Variants in PCDH11X observed in about 807,000 individuals in gnomAD.
PCDH11X encodes protocadherin-11 X-linked.
In PCDH11X, 18 loss-of-function variants were observed where a neutral mutation model predicts 53.3. The ratio of observed to expected loss-of-function variants is 0.34; its 90% CI spans 0.23 to 0.50. PCDH11X has a LOEUF of 0.50. Among genes scored for constraint, PCDH11X ranks in the 20% least tolerant of loss-of-function variants. The pLI is 0.98. For synonymous variants in PCDH11X, 279 were observed against 393.3 expected, an observed-to-expected ratio of 0.71 and a Z score of 3.44; for missense variants, 570 against 1,032.4, an observed-to-expected ratio of 0.55 and a Z score of 6.14.
intron 8 of PCDH11X, among the ~76,000 whole-genome samples, chrX:92,349,817 A>C (rs1483378254): frequency 1.8e-5 from 2 of 110,179 alleles, no homozygotes; most frequent in African/African-American, 6.6e-5. Context: ...GTATTGGCTA[A>C]TTTTGTCCAA....
intron 6 of PCDH11X, among the ~76,000 whole-genome samples, chrX:91,924,944 C>G (rs1191372779): frequency 9.1e-6 from 1 of 109,469 alleles, no homozygotes; most frequent in Non-Finnish European, 1.9e-5. Context: ...GGAAATGGAC[C>G]ATTGAAGCTC....
chrX:92,120,024 G>C (rs921780507), intron 6 of PCDH11X, among the ~76,000 whole-genome samples: 17 of 110,945 alleles, frequency 1.5e-4, no homozygotes, highest in Admixed American at 1.4e-3. Flanking sequence ...TAAGCTAAAA[G>C]GGGACAGGAG....
intron 9 of PCDH11X, among the ~76,000 whole-genome samples, chrX:92,438,531 C>T (rs2072441111): frequency 9.0e-6 from 1 of 110,848 alleles, no homozygotes; most frequent in African/African-American, 3.3e-5. Context: ...CCCACCTCTC[C>T]TTGTTACTTG....
chrX:92,332,836 TA>T (rs752852968), intron 8 of PCDH11X, among the ~76,000 whole-genome samples: 69 of 111,960 alleles, frequency 6.2e-4, no homozygotes, highest in Non-Finnish European at 7.7e-4. Flanking sequence ...ACTTCAGGAA[TA>T]AGCCTCAAAA....
At chrX:92,233,544 T>C (rs1365862169) in intron 7 of PCDH11X, among the ~76,000 whole-genome samples, 1 of 112,282 alleles carries the variant, frequency 8.9e-6, no homozygotes, top group African/African-American at 3.2e-5. Flanking sequence ...TTAGCCTATT[T>C]TATACTGTGA....
At chrX:91,860,333 C>T (rs1200048302) in intron 5 of PCDH11X, among the ~76,000 whole-genome samples, 1 of 106,299 alleles carries the variant, frequency 9.4e-6, no homozygotes, top group Non-Finnish European at 1.9e-5. Flanking sequence ...TGAGACTTTG[C>T]TAAAGTTGCT....
intron 6 of PCDH11X, among the ~76,000 whole-genome samples, chrX:92,134,794 A>G (rs757832864): frequency 9.0e-6 from 1 of 111,407 alleles, no homozygotes; most frequent in African/African-American, 3.3e-5. Flanking sequence ...ACTGGGGGGA[A>G]TGTAGCAGTG....
At position 92,514,844 on chromosome X, in the gene PCDH11X, G is replaced by A. The variant is rs760895544; in HGVS notation, c.3367+46522G>A. Among the ~76,000 whole-genome samples the A allele has an allele frequency of 2.3e-4, 25 of 108,838 alleles. No individual in the cohort carries two copies. The East Asian group carries it at 6.4e-3, about 28-fold the overall frequency. The allele number at this position is 108,838 out of a possible 115,157, so 94.5% of individuals were successfully genotyped here. Reference sequence around the variant, plus strand: ...AGGCAGATCACAAGGTCAGGAGATCGAGACCATCCTGGCTAACACAGTGAA... The same window carrying A: ...AGGCAGATCACAAGGTCAGGAGATCAAGACCATCCTGGCTAACACAGTGAA... On this transcript the variant is annotated intron_variant, in intron 10 of 10. Coordinates refer to ENST00000682573, the MANE Select transcript of PCDH11X (RefSeq NM_032968.5).
At chrX:91,963,334 G>T (rs780142849) in intron 6 of PCDH11X, among the ~76,000 whole-genome samples, 1 of 109,696 alleles carries the variant, frequency 9.1e-6, no homozygotes, top group African/African-American at 3.4e-5. Flanking sequence ...TCTTTTCCTG[G>T]ATACCCTAAA....
chrX:91,924,011 A>G (rs1325996869), intron 6 of PCDH11X, among the ~76,000 whole-genome samples: 1 of 108,527 alleles, frequency 9.2e-6, no homozygotes, highest in Non-Finnish European at 1.9e-5. Context: ...CTGCACATGT[A>G]CCCCCTGAAT....
chrX:91,934,322 G>T (rs961572004), intron 6 of PCDH11X, among the ~76,000 whole-genome samples: 6 of 111,215 alleles, frequency 5.4e-5, no homozygotes, highest in African/African-American at 2.0e-4. Flanking sequence ...GCTTGGGTTG[G>T]AATAGCACCC....
chrX:91,982,003 C>T (rs1173127108), intron 6 of PCDH11X, among the ~76,000 whole-genome samples: 1 of 108,826 alleles, frequency 9.2e-6, no homozygotes, highest in Admixed American at 1.0e-4. Flanking sequence ...CAGACGCTTC[C>T]AAGCTTATAG....
At chrX:91,933,052 A>G (rs2061407872) in intron 6 of PCDH11X, among the ~76,000 whole-genome samples, 1 of 102,226 alleles carries the variant, frequency 9.8e-6, no homozygotes, top group African/African-American at 3.6e-5. Flanking sequence ...TCATGAAAGA[A>G]AATGTAGCAT....
At chrX:92,060,126 A>T (rs1054750962) in intron 6 of PCDH11X, among the ~76,000 whole-genome samples, 1 of 109,372 alleles carries the variant, frequency 9.1e-6, no homozygotes, top group East Asian at 2.9e-4. Flanking sequence ...AGAAAATTCC[A>T]TCCACAATCT....
chrX:91,944,878 A>G, intron 6 of PCDH11X, among the ~76,000 whole-genome samples: 1 of 104,512 alleles, frequency 9.6e-6, no homozygotes, highest in Non-Finnish European at 2.0e-5. Flanking sequence ...AATCAAGTAT[A>G]TAAATCCATT....
Position 92,190,935 on chromosome X carries a change from C to T in PCDH11X, c.3034-10440C>T, listed in dbSNP as rs1452160310. Among the ~76,000 whole-genome samples, 4 of 111,608 alleles carry T rather than the reference C, an allele frequency of 3.6e-5. No homozygotes were observed. The Admixed American group carries it at 3.8e-4, about 11-fold the overall frequency. On this transcript the variant is annotated intron_variant, in intron 6 of 10. Coordinates refer to ENST00000682573, the MANE Select transcript of PCDH11X (RefSeq NM_032968.5). ...CTGATCGTTGTTGCTATTTTACTGA[C>T]GATTTTGTTATTTTTGATTATAATG...
chrX:92,571,455 A>C (rs1205917704), intron 10 of PCDH11X, among the ~76,000 whole-genome samples: 1 of 110,366 alleles, frequency 9.1e-6, no homozygotes, highest in Non-Finnish European at 1.9e-5. Context: ...AGGGAGATGA[A>C]TTGGTGAAAA....
intron 7 of PCDH11X, among the ~76,000 whole-genome samples, chrX:92,229,735 A>C: frequency 9.0e-6 from 1 of 111,656 alleles, no homozygotes; most frequent in East Asian, 2.8e-4. Context: ...AGATTTTAAT[A>C]TTTATTCTGG....
At chrX:92,388,408 A>G (rs1352325753) in intron 9 of PCDH11X, among the ~76,000 whole-genome samples, 2 of 107,313 alleles carry the variant, frequency 1.9e-5, no homozygotes, top group Non-Finnish European at 3.9e-5. Context: ...TTTCAGCAAT[A>G]TACTGAAATC....
Sources: gnomAD v4.1 joint callset for allele counts (sites outside exome capture counted in the v4.1 genomes callset) on GRCh38, gnomAD v4.1.1 for gene constraint, MANE v1.5 for transcripts, NCBI Gene and HGNC (gene_info 2026-07-23, HGNC 2026-07-21) for gene names.